The following PCDH7 variants were observed in gnomAD, a reference collection of about 807,000 sequenced individuals.
The protein encoded by PCDH7 is protocadherin 7.
Under a neutral mutation model 58.9 loss-of-function variants are expected in PCDH7, and 17 were observed. The ratio of observed to expected loss-of-function variants is 0.29; its 90% CI spans 0.20 to 0.43. The LOEUF (loss-of-function observed/expected upper bound fraction) is 0.43, where lower values mean the gene tolerates loss of function less well. Ranked by LOEUF, PCDH7 falls within the 20% of genes least tolerant of loss-of-function variation. PCDH7 has a pLI of 1.00. For missense variants in PCDH7, 1,274 were observed against 1,441.0 expected (o/e 0.88, Z 1.88); for synonymous variants, 664 against 616.4 (o/e 1.08, Z -1.14).
At chr4:30,972,366 T>C (rs1442840093) in intron 3 of PCDH7, among the ~76,000 whole-genome samples, 1 of 152,206 alleles carries the variant, frequency 6.6e-6, no homozygotes, top group Non-Finnish European at 1.5e-5. Flanking sequence ...GATTTTTTTA[T>C]TTCTTCTAAA....
intron 3 of PCDH7, among the ~76,000 whole-genome samples, chr4:31,090,895 C>A (rs992047452): frequency 6.6e-6 from 1 of 151,874 alleles, no homozygotes; most frequent in Admixed American, 6.6e-5. Flanking sequence ...CATTTTTATG[C>A]CTCCTCAAAG....
intron 3 of PCDH7, among the ~76,000 whole-genome samples, chr4:31,138,119 C>T (rs752682347): frequency 4.1e-5 from 6 of 147,890 alleles, no homozygotes; most frequent in Non-Finnish European, 8.9e-5. Flanking sequence ...CCTCTCTAAA[C>T]CTGGGCTTTC....
At chr4:31,109,108 G>A (rs1413389269) in intron 3 of PCDH7, among the ~76,000 whole-genome samples, 1 of 152,182 alleles carries the variant, frequency 6.6e-6, no homozygotes, top group Non-Finnish European at 1.5e-5. Flanking sequence ...GTAGGAACAT[G>A]CAAAGGCTGG....
chr4:30,798,362 T>A (rs556827730), intron 1 of PCDH7, among the ~76,000 whole-genome samples: 54 of 152,298 alleles, frequency 3.5e-4, no homozygotes, highest in African/African-American at 1.2e-3. Context: ...TTGAGACGTA[T>A]CTCCATTAGA....
At chr4:31,090,910 T>C (rs1713160289) in intron 3 of PCDH7, among the ~76,000 whole-genome samples, 1 of 152,026 alleles carries the variant, frequency 6.6e-6, no homozygotes, top group Admixed American at 6.6e-5. Context: ...TCAAAGCTCA[T>C]GATGTATCTA....
In PCDH7 at chr4:31,118,682, T is replaced by G. The variant is rs548609641; in HGVS notation, c.*8-23791T>G. ...GGTACAAATGAACAAGAGCTAAGGATAAAGTAAGAAGGAACAGATGAAGAC... is the reference window on the plus strand; with the variant it reads ...GGTACAAATGAACAAGAGCTAAGGAGAAAGTAAGAAGGAACAGATGAAGAC... On this transcript the variant is annotated intron_variant, in intron 3 of 3. Transcript: ENST00000509759. Among the ~76,000 whole-genome samples the G allele has an allele frequency of 2.0e-5, 3 of 152,254 alleles. No homozygotes were observed. The East Asian group carries it at 5.8e-4, about 29-fold the overall frequency.
At chr4:30,914,926 A>G (rs1296545989) in intron 1 of PCDH7, among the ~76,000 whole-genome samples, 1 of 152,130 alleles carries the variant, frequency 6.6e-6, no homozygotes, top group Non-Finnish European at 1.5e-5. Context: ...TTTTTTGTGT[A>G]CTGTTTCTTT....
chr4:31,062,769 C>A (rs912258938), intron 3 of PCDH7, among the ~76,000 whole-genome samples: 1 of 151,788 alleles, frequency 6.6e-6, no homozygotes, highest in South Asian at 2.1e-4. Flanking sequence ...TCCCATGAAA[C>A]CTGATTTTTC....
intron 3 of PCDH7, among the ~76,000 whole-genome samples, chr4:30,968,322 TATATATATATAC>T: frequency 8.7e-6 from 1 of 114,402 alleles, no homozygotes; most frequent in African/African-American, 4.1e-5. Context: ...ATATACACTA[TATATATATATAC>T]ACACACTATA....
At chr4:31,090,409 T>G (rs1713082223) in intron 3 of PCDH7, among the ~76,000 whole-genome samples, 1 of 151,964 alleles carries the variant, frequency 6.6e-6, no homozygotes, top group South Asian at 2.1e-4. Flanking sequence ...TTATCCTTTG[T>G]GTTACAAACA....
intron 3 of PCDH7, among the ~76,000 whole-genome samples, chr4:31,002,454 A>C (rs1324850947): frequency 6.6e-6 from 1 of 152,232 alleles, no homozygotes; most frequent in Non-Finnish European, 1.5e-5. Flanking sequence ...GGCATAAATA[A>C]GCTTGGTAGA....
In PCDH7 at chr4:31,033,756, T is replaced by A. The variant is rs564405938; in HGVS notation, c.*7+83541T>A. ...TCACCTCCACTTTCATACTCACTTT[T>A]ATACTCAGTTGCTACTTTTCTGTAG... On this transcript the variant is annotated intron_variant, in intron 3 of 3. Transcript: ENST00000509759. 3.2e-4 allele frequency among the ~76,000 whole-genome samples: 49 copies of A among 152,302 alleles called. No homozygotes were observed. In the East Asian group the frequency reaches 6.6e-3, roughly 20 times the overall value.
At chr4:30,963,924 C>T (rs1424072827) in intron 3 of PCDH7, among the ~76,000 whole-genome samples, 4 of 152,106 alleles carry the variant, frequency 2.6e-5, no homozygotes, top group African/African-American at 9.7e-5. Context: ...TGAACCATTC[C>T]GGGACAATTT....
chr4:31,025,251 A>G (rs1754333446), intron 3 of PCDH7, among the ~76,000 whole-genome samples: 1 of 152,224 alleles, frequency 6.6e-6, no homozygotes, highest in Non-Finnish European at 1.5e-5. Context: ...TGTCTCACGT[A>G]TAGGACATGT....
chr4:31,001,294 C>A (rs1752345267), intron 3 of PCDH7, among the ~76,000 whole-genome samples: 1 of 151,896 alleles, frequency 6.6e-6, no homozygotes, highest in Admixed American at 6.6e-5. Flanking sequence ...GGTATGAGTG[C>A]TGAAAGTTAT....
chr4:30,837,564 A>C (rs1487451181), intron 1 of PCDH7, among the ~76,000 whole-genome samples: 3 of 151,970 alleles, frequency 2.0e-5, no homozygotes, highest in Non-Finnish European at 4.4e-5. Context: ...AGAAAAAAAA[A>C]CGAGAATAGA....
At chr4:31,029,711 T>C (rs1754737666) in intron 3 of PCDH7, among the ~76,000 whole-genome samples, 1 of 152,124 alleles carries the variant, frequency 6.6e-6, no homozygotes, top group Non-Finnish European at 1.5e-5. Context: ...GTGAGTAGAA[T>C]ACCAGATGAA....
At chr4:31,096,977 A>G (rs1714085793) in intron 3 of PCDH7, among the ~76,000 whole-genome samples, 1 of 151,774 alleles carries the variant, frequency 6.6e-6, no homozygotes, top group Admixed American at 6.6e-5. Context: ...TGTGCTTTTC[A>G]TGAGGTTGTT....
chr4:31,125,403 C>T (rs1299634309), intron 3 of PCDH7, among the ~76,000 whole-genome samples: 1 of 152,174 alleles, frequency 6.6e-6, no homozygotes, highest in African/African-American at 2.4e-5. Context: ...CTTTTCACAG[C>T]TTTCTTCTTC....
Sources: gnomAD v4.1 joint callset for allele counts (sites outside exome capture counted in the v4.1 genomes callset) on GRCh38, gnomAD v4.1.1 for gene constraint, MANE v1.5 for transcripts, NCBI Gene and HGNC (gene_info 2026-07-23, HGNC 2026-07-21) for gene names.